The following GPC5 variants were observed in gnomAD, a reference collection of about 807,000 sequenced individuals.
GPC5 encodes the protein glypican 5.
Under a neutral mutation model 53.9 loss-of-function variants are expected in GPC5, and 47 were observed. That is an observed-to-expected ratio of 0.87 (90% CI 0.69 to 1.11). The LOEUF (loss-of-function observed/expected upper bound fraction) is 1.11. Among genes scored for constraint, GPC5 ranks in the 50% most tolerant of loss-of-function variants. The pLI, the probability that GPC5 is intolerant of heterozygous loss-of-function variation, is 0.00. For synonymous variants in GPC5, 286 were observed against 263.3 expected (o/e 1.09, Z -0.84); for missense variants, 748 against 713.1 (o/e 1.05, Z -0.56).
chr13:92,512,251 C>CGA (rs1566622138), intron 7 of GPC5, among the ~76,000 whole-genome samples: 1 of 77,576 alleles, frequency 1.3e-5, no homozygotes, highest in Admixed American at 1.5e-4. Flanking sequence ...TGTGTGTGTG[C>CGA]GCGCGCGCGC....
At chr13:92,299,498 G>C (rs193284091) in intron 7 of GPC5, among the ~76,000 whole-genome samples, 18 of 152,146 alleles carry the variant, frequency 1.2e-4, no homozygotes, top group Admixed American at 1.0e-3. Flanking sequence ...ACAACTACTT[G>C]TAAATGAAAA....
chr13:91,454,225 T>C (rs1037003192), intron 2 of GPC5, among the ~76,000 whole-genome samples: 3 of 152,110 alleles, frequency 2.0e-5, no homozygotes, highest in Non-Finnish European at 4.4e-5. Context: ...TAGATAAAAG[T>C]TGCAAGAGCT....
chr13:92,475,049 AAC>A (rs1879053610), intron 7 of GPC5, among the ~76,000 whole-genome samples: 1 of 152,146 alleles, frequency 6.6e-6, no homozygotes, highest in Non-Finnish European at 1.5e-5. Context: ...AGTAAATTAT[AAC>A]CAGGAAGTAT....
chr13:91,401,169 A>C (rs1008970733), intron 1 of GPC5, among the ~76,000 whole-genome samples: 1 of 152,116 alleles, frequency 6.6e-6, no homozygotes. Flanking sequence ...TCCACCCCCC[A>C]AAAAAGGCAT....
At chr13:92,153,141 T>G (rs1000229697) in intron 7 of GPC5, among the ~76,000 whole-genome samples, 1 of 152,168 alleles carries the variant, frequency 6.6e-6, no homozygotes, top group African/African-American at 2.4e-5. Context: ...TCTTTTGCTT[T>G]CTTTCTTTTT....
At chr13:91,986,728 T>C (rs1485158771) in intron 6 of GPC5, among the ~76,000 whole-genome samples, 1 of 152,240 alleles carries the variant, frequency 6.6e-6, no homozygotes, top group East Asian at 1.9e-4. Flanking sequence ...CTTAAATATA[T>C]ATTCTTTATA....
At chr13:92,375,634 A>G (rs1342482602) in intron 7 of GPC5, among the ~76,000 whole-genome samples, 1 of 152,176 alleles carries the variant, frequency 6.6e-6, no homozygotes, top group East Asian at 1.9e-4. Context: ...GAATTGGCTT[A>G]CTCAATTGTG....
At chr13:91,417,968 G>T (rs1008458092) in intron 1 of GPC5, among the ~76,000 whole-genome samples, 4 of 152,160 alleles carry the variant, frequency 2.6e-5, no homozygotes, top group African/African-American at 7.2e-5. Flanking sequence ...GAAAGGGAAA[G>T]TTCCAGACAA....
intron 7 of GPC5, among the ~76,000 whole-genome samples, chr13:92,526,726 T>A (rs1881296146): frequency 6.6e-6 from 1 of 151,900 alleles, no homozygotes; most frequent in Non-Finnish European, 1.5e-5. Flanking sequence ...AGACTAGAGA[T>A]AATATTTATA....
rs539471136 is a variant in GPC5, at chr13:92,358,323, C to T, written c.1561+213334C>T. On this transcript the variant is annotated intron_variant, in intron 7 of 7. Transcript: ENST00000377067. ...TTTGGGCAACTCCACCCCTGTGGCT[C>T]TGCAGGGAACAGACCCTGTGGCTGC... Among the ~76,000 whole-genome samples, 166 of 142,278 alleles carry T rather than the reference C, an allele frequency of 1.2e-3. 1 individual carries two copies. Among genetic ancestry groups the T allele is most frequent in the South Asian group, 2.2e-3 (10 of 4,474 alleles). The allele number at this position is 142,278 out of a possible 152,430, so 93.3% of individuals were successfully genotyped here. A position where few individuals can be genotyped will look rare whatever the true frequency, so the allele number is the denominator to read the frequency against.
chr13:91,596,631 A>C (rs2033003897), intron 2 of GPC5, among the ~76,000 whole-genome samples: 1 of 152,014 alleles, frequency 6.6e-6, no homozygotes, highest in Admixed American at 6.6e-5. Flanking sequence ...TCTGGGATAC[A>C]GTTAAGTTTT....
In GPC5 at chr13:91,744,645, G is replaced by A. The variant is rs113241623; in HGVS notation, c.1155-11650G>A. On this transcript the variant is annotated intron_variant, in intron 4 of 7. Transcript: ENST00000377067. ...GGAAGAATAAAGAAGGCTTTTCATTGGCAGATTATTAAAGGGCAAGTATTT... is the reference window on the plus strand; with the variant it reads ...GGAAGAATAAAGAAGGCTTTTCATTAGCAGATTATTAAAGGGCAAGTATTT... Among the ~76,000 whole-genome samples, 429 of 152,212 alleles carry A rather than the reference G, an allele frequency of 2.8e-3. 1 individual carries two copies. Among genetic ancestry groups the A allele is most frequent in the African/African-American group, 9.8e-3 (408 of 41,556 alleles).
chr13:92,014,392 T>C (rs1234400042), intron 6 of GPC5, among the ~76,000 whole-genome samples: 2 of 152,216 alleles, frequency 1.3e-5, no homozygotes, highest in African/African-American at 4.8e-5. Context: ...CCTGCCCACG[T>C]TGTTGTTGGT....
intron 7 of GPC5, among the ~76,000 whole-genome samples, chr13:92,745,446 G>T (rs951273437): frequency 1.3e-5 from 2 of 152,024 alleles, no homozygotes; most frequent in African/African-American, 4.8e-5. Context: ...GTAAAGCTTA[G>T]TTCTGAAATA....
intron 2 of GPC5, among the ~76,000 whole-genome samples, chr13:91,476,023 A>G (rs1882909066): frequency 6.6e-6 from 1 of 152,230 alleles, no homozygotes; most frequent in East Asian, 1.9e-4. Flanking sequence ...ACCAAGCACT[A>G]AAAAATAGGT....
At chr13:92,164,795 C>G (rs1184753808) in intron 7 of GPC5, among the ~76,000 whole-genome samples, 1 of 152,232 alleles carries the variant, frequency 6.6e-6, no homozygotes, top group African/African-American at 2.4e-5. Flanking sequence ...GGGCTCTGCC[C>G]CTGCAGCACC....
chr13:91,880,390 G>A (rs1215251266), intron 5 of GPC5, among the ~76,000 whole-genome samples: 1 of 151,844 alleles, frequency 6.6e-6, no homozygotes, highest in African/African-American at 2.4e-5. Context: ...ACTCGTGTAT[G>A]TTTATAAATT....
chr13:91,578,171 C>A (rs1200336244), intron 2 of GPC5, among the ~76,000 whole-genome samples: 1 of 152,158 alleles, frequency 6.6e-6, no homozygotes, highest in Non-Finnish European at 1.5e-5. Context: ...AACAGCCATG[C>A]AAGTGAGCCT....
At chr13:91,723,937 T>C (rs929573836) in intron 3 of GPC5, among the ~76,000 whole-genome samples, 1 of 152,166 alleles carries the variant, frequency 6.6e-6, no homozygotes, top group African/African-American at 2.4e-5. Context: ...CTCATTGAAA[T>C]AAAACTAAAA....
Sources: allele counts gnomAD v4.1 joint callset (sites outside exome capture counted in the v4.1 genomes callset), GRCh38; gene constraint gnomAD v4.1.1; transcripts MANE v1.5; gene names NCBI Gene and HGNC (gene_info 2026-07-23, HGNC 2026-07-21).